The following FBXL7 variants were observed in gnomAD, a reference collection of about 807,000 sequenced individuals.
FBXL7 encodes the protein F-box and leucine rich repeat protein 7.
A neutral mutation model predicts 38.3 loss-of-function variants in FBXL7; 12 were observed. The observed-to-expected ratio is 0.31, with a 90% CI of 0.20 to 0.51. The LOEUF is 0.51. FBXL7 is among the 20% of genes least tolerant of loss of function. The pLI is 0.98. For missense variants in FBXL7, 567 were observed against 676.4 expected (o/e 0.84, Z 1.79); for synonymous variants, 297 against 300.9 (o/e 0.99, Z 0.13).
At chr5:15,693,338 C>G (rs1484744721) in intron 2 of FBXL7, among the ~76,000 whole-genome samples, 1 of 152,206 alleles carries the variant, frequency 6.6e-6, no homozygotes, top group East Asian at 1.9e-4. Context: ...CTTATTCCCA[C>G]AGGCACAAGC....
intron 2 of FBXL7, among the ~76,000 whole-genome samples, chr5:15,883,220 A>G (rs750653884): frequency 2.0e-5 from 3 of 152,238 alleles, no homozygotes; most frequent in Non-Finnish European, 4.4e-5. Context: ...CTATCTTGGT[A>G]TAGATGCTGC....
intron 2 of FBXL7, among the ~76,000 whole-genome samples, chr5:15,795,746 A>G (rs1737399951): frequency 6.6e-6 from 1 of 152,136 alleles, no homozygotes; most frequent in African/African-American, 2.4e-5. Context: ...ATAGGGGAGA[A>G]GGTAATATGT....
At chr5:15,535,630 C>CT (rs1260937752) in intron 1 of FBXL7, among the ~76,000 whole-genome samples, 7 of 152,132 alleles carry the variant, frequency 4.6e-5, no homozygotes, top group African/African-American at 1.7e-4. Context: ...GCAGAAATTT[C>CT]TAAGCAGCAA....
intron 2 of FBXL7, among the ~76,000 whole-genome samples, chr5:15,841,888 G>C (rs1221416975): frequency 6.6e-6 from 1 of 152,252 alleles, no homozygotes; most frequent in Non-Finnish European, 1.5e-5. Flanking sequence ...AGATTTCAGA[G>C]GATGTATGGA....
rs897921676 is a variant in FBXL7, at chr5:15,794,513, A to G, written c.128-133377A>G. On this transcript the variant is annotated intron_variant, in intron 2 of 3. Coordinates refer to ENST00000504595, the MANE Select transcript of FBXL7 (RefSeq NM_012304.5). Reference sequence around the variant, plus strand: ...CTGAAATTTTAAAAGGTTAGAATTAATAGTATCTCCCTTGACTTAAGATGA... The same window carrying G: ...CTGAAATTTTAAAAGGTTAGAATTAGTAGTATCTCCCTTGACTTAAGATGA... 6.6e-5 allele frequency among the ~76,000 whole-genome samples: 10 copies of G among 152,354 alleles called. 1 individual carries two copies. The highest frequency in any genetic ancestry group is 1.9e-4 in the African/African-American group (8 of 41,590).
At chr5:15,911,542 A>G (rs1242558587) in intron 2 of FBXL7, among the ~76,000 whole-genome samples, 1 of 124,806 alleles carries the variant, frequency 8.0e-6, no homozygotes, top group Non-Finnish European at 1.5e-5. Flanking sequence ...ATCATTCTCC[A>G]TCCAGCTTTG....
At chr5:15,595,072 CT>C (rs1193511365) in intron 1 of FBXL7, among the ~76,000 whole-genome samples, 1 of 152,190 alleles carries the variant, frequency 6.6e-6, no homozygotes, top group Non-Finnish European at 1.5e-5. Flanking sequence ...CACGTGTAGT[CT>C]TTTCGCCAGC....
intron 1 of FBXL7, among the ~76,000 whole-genome samples, chr5:15,502,011 GATT>G (rs1053777465): frequency 1.3e-5 from 2 of 151,054 alleles, no homozygotes; most frequent in African/African-American, 4.9e-5. Flanking sequence ...TGCCAAAAAA[GATT>G]ATTGGAGAAT....
intron 1 of FBXL7, among the ~76,000 whole-genome samples, chr5:15,581,482 G>A (rs1356891576): frequency 6.6e-6 from 1 of 152,144 alleles, no homozygotes; most frequent in Non-Finnish European, 1.5e-5. Context: ...CCTCTGTGAT[G>A]TGTTCAGCAT....
At position 15,936,384 on chromosome 5, in the gene FBXL7, G is replaced by C; in HGVS notation, c.740-66G>C. 6.4e-7 allele frequency: 1 copy of C among 1,551,646 alleles called. No homozygotes were observed. The highest frequency in any genetic ancestry group is 8.7e-7 in the Non-Finnish European group (1 of 1,149,356). On this transcript the variant is annotated intron_variant, in intron 3 of 3. Coordinates refer to ENST00000504595, the MANE Select transcript of FBXL7 (RefSeq NM_012304.5). The surrounding 1 kb of genome is among the most constrained non-coding windows in gnomAD (Gnocchi z 6.0). The stretch of plus-strand genomic sequence containing the variant: ...GGGCGAGGGTCAGGAATGCCCCAGG[G>C]CATCCCCAGGCGTGGCTCCCCTGCT...
chr5:15,815,524 G>A (rs1422595332), intron 2 of FBXL7, among the ~76,000 whole-genome samples: 8 of 152,138 alleles, frequency 5.3e-5, no homozygotes, highest in African/African-American at 1.9e-4. Context: ...TGAAGGTGAT[G>A]AGAGTCATCT....
intron 2 of FBXL7, among the ~76,000 whole-genome samples, chr5:15,889,762 C>T (rs761590795): frequency 6.6e-6 from 1 of 152,190 alleles, no homozygotes; most frequent in Non-Finnish European, 1.5e-5. Context: ...TAAATGACTG[C>T]AGGCATATGG....
At chr5:15,616,957 G>A (rs556172581) in intron 2 of FBXL7, among the ~76,000 whole-genome samples, 27 of 152,224 alleles carry the variant, frequency 1.8e-4, no homozygotes, top group South Asian at 4.2e-4. Context: ...GGGATGTTGC[G>A]GAAGCACACT....
intron 1 of FBXL7, among the ~76,000 whole-genome samples, chr5:15,547,323 A>G (rs1009404073): frequency 1.3e-5 from 2 of 152,200 alleles, no homozygotes; most frequent in Non-Finnish European, 2.9e-5. Context: ...ATCTTAGCAG[A>G]CAACTGAGCT....
At chr5:15,616,887 AC>A (rs1740471231) in intron 2 of FBXL7, among the ~76,000 whole-genome samples, 1 of 152,200 alleles carries the variant, frequency 6.6e-6, no homozygotes, top group South Asian at 2.1e-4. Context: ...ATAATGAAAG[AC>A]CTTGAGCTGT....
intron 2 of FBXL7, among the ~76,000 whole-genome samples, chr5:15,617,309 G>A (rs1333401421): frequency 6.6e-6 from 1 of 152,276 alleles, no homozygotes; most frequent in South Asian, 2.1e-4. Context: ...GTGTATGGAA[G>A]CACCAGGTAG....
At position 15,580,723 on chromosome 5, in the gene FBXL7, G is replaced by A. The variant is rs923530744; in HGVS notation, c.38-35260G>A. The A allele has an allele frequency of 4.1e-6, 4 of 985,274 alleles. No homozygotes were observed. The African/African-American group carries it at 7.0e-5, about 17-fold the overall frequency. 61.0% of individuals were successfully genotyped at this position (985,274 alleles called of 1,614,324 possible). A position where few individuals can be genotyped will look rare whatever the true frequency, so the allele number is the denominator to read the frequency against. ...GTGCCAGAACAGGAAGGGAGGTGGT[G>A]AGCCTGAAGATCTCACAAGCTTCCC... On this transcript the variant is annotated intron_variant, in intron 1 of 3. Transcript: ENST00000504595.
intron 2 of FBXL7, among the ~76,000 whole-genome samples, chr5:15,905,589 CCAAA>C (rs1741337241): frequency 6.6e-6 from 1 of 151,130 alleles, no homozygotes; most frequent in Admixed American, 6.6e-5. Context: ...TATTTAAAAA[CCAAA>C]CAAACAAATG....
chr5:15,524,138 T>TC (rs976260358), intron 1 of FBXL7, among the ~76,000 whole-genome samples: 4 of 152,176 alleles, frequency 2.6e-5, no homozygotes, highest in South Asian at 2.1e-4. Flanking sequence ...CACTTTTTTT[T>TC]CCCCATCTGT....
Sources: allele counts gnomAD v4.1 joint callset (sites outside exome capture counted in the v4.1 genomes callset), GRCh38; gene constraint gnomAD v4.1.1; non-coding constraint Gnocchi (gnomAD v3.1); transcripts MANE v1.5; gene names NCBI Gene and HGNC (gene_info 2026-07-23, HGNC 2026-07-21).